The following KCNN2 variants were observed in gnomAD, a reference collection of about 807,000 sequenced individuals.
KCNN2 encodes small conductance calcium-activated potassium channel protein 2.
A neutral mutation model predicts 55.5 loss-of-function variants in KCNN2; 24 were observed. The ratio of observed to expected loss-of-function variants is 0.43; its 90% CI spans 0.31 to 0.61. The LOEUF (loss-of-function observed/expected upper bound fraction) is 0.61, where lower values mean the gene tolerates loss of function less well. Among genes scored for constraint, KCNN2 ranks in the 20% least tolerant of loss-of-function variants. KCNN2 has a pLI of 0.08. For missense variants in KCNN2, 754 were observed against 853.6 expected (o/e 0.88, Z 1.45); for synonymous variants, 431 against 336.1 (o/e 1.28, Z -3.09).
chr5:114,278,836 A>G (rs920378843), intron 2 of KCNN2, among the ~76,000 whole-genome samples: 10 of 152,166 alleles, frequency 6.6e-5, no homozygotes, highest in African/African-American at 1.9e-4. Flanking sequence ...GGGTGAGGCA[A>G]TGCCCCGCCC....
chr5:114,402,345 T>A (rs1758810781), intron 2 of KCNN2, among the ~76,000 whole-genome samples: 1 of 152,152 alleles, frequency 6.6e-6, no homozygotes, highest in South Asian at 2.1e-4. Context: ...GGAAGTTGTT[T>A]GAGAATGAAT....
chr5:114,287,590 G>T (rs1160550217), intron 2 of KCNN2, among the ~76,000 whole-genome samples: 2 of 149,206 alleles, frequency 1.3e-5, no homozygotes, highest in South Asian at 2.1e-4. Context: ...ACACATTGGG[G>T]CCTGTCGGGG....
chr5:114,368,037 C>G (rs1757654313), intron 2 of KCNN2, among the ~76,000 whole-genome samples: 1 of 152,082 alleles, frequency 6.6e-6, no homozygotes. Flanking sequence ...CTGTGTGGAT[C>G]CACTTATACA....
At chr5:114,458,285 A>G (rs957712507) in intron 3 of KCNN2, among the ~76,000 whole-genome samples, 2 of 152,214 alleles carry the variant, frequency 1.3e-5, no homozygotes, top group Admixed American at 6.5e-5. Context: ...GGTAAATTTA[A>G]TAGAAAAGGA....
At chr5:114,144,107 C>T (rs1349805940) in intron 1 of KCNN2, among the ~76,000 whole-genome samples, 1 of 152,198 alleles carries the variant, frequency 6.6e-6, no homozygotes, top group East Asian at 1.9e-4. Flanking sequence ...GTTCTTTTAG[C>T]TTGCTTATGT....
intron 4 of KCNN2, among the ~76,000 whole-genome samples, chr5:114,466,489 A>T (rs1018506856): frequency 3.3e-5 from 5 of 152,052 alleles, no homozygotes; most frequent in African/African-American, 1.2e-4. Flanking sequence ...ATATATATAT[A>T]TATAAAACAC....
intron 2 of KCNN2, among the ~76,000 whole-genome samples, chr5:114,376,401 G>C (rs1006903471): frequency 6.6e-6 from 1 of 152,196 alleles, no homozygotes; most frequent in African/African-American, 2.4e-5. Context: ...TAGTGTGCAA[G>C]AACACAGGTG....
chr5:114,423,068 C>T (rs955048215), intron 3 of KCNN2, among the ~76,000 whole-genome samples: 2 of 152,150 alleles, frequency 1.3e-5, no homozygotes, highest in Non-Finnish European at 2.9e-5. Flanking sequence ...TAAGCATTAC[C>T]TGAAGTAAAA....
chr5:114,148,925 G>T (rs566757729), intron 1 of KCNN2, among the ~76,000 whole-genome samples: 2 of 152,146 alleles, frequency 1.3e-5, no homozygotes, highest in South Asian at 2.1e-4. Context: ...GACTGAAAAG[G>T]AAGTAAAGTG....
At chr5:114,249,286 C>CTTT (rs375457994) in intron 2 of KCNN2, among the ~76,000 whole-genome samples, 69 of 101,480 alleles carry the variant, frequency 6.8e-4, no homozygotes, top group Non-Finnish European at 7.0e-4. Context: ...TTCTTTCTTT[C>CTTT]TTTCTTTTTT....
intron 3 of KCNN2, among the ~76,000 whole-genome samples, chr5:114,455,321 G>C (rs1013830240): frequency 6.6e-6 from 1 of 152,078 alleles, no homozygotes; most frequent in Admixed American, 6.5e-5. Flanking sequence ...TACCTCTTAT[G>C]GTGATTTATG....
At chr5:114,304,154 G>A (rs951584060) in intron 2 of KCNN2, among the ~76,000 whole-genome samples, 4 of 152,110 alleles carry the variant, frequency 2.6e-5, no homozygotes, top group South Asian at 2.1e-4. Flanking sequence ...CTGGTGGGAG[G>A]GATATAGACA....
intron 2 of KCNN2, among the ~76,000 whole-genome samples, chr5:114,402,669 G>A (rs1169902989): frequency 6.6e-6 from 1 of 152,192 alleles, no homozygotes; most frequent in African/African-American, 2.4e-5. Flanking sequence ...CTGAGAGAAA[G>A]GGGAACAATG....
At chr5:114,161,022 T>G (rs1752765966) in intron 1 of KCNN2, among the ~76,000 whole-genome samples, 1 of 152,216 alleles carries the variant, frequency 6.6e-6, no homozygotes, top group African/African-American at 2.4e-5. Flanking sequence ...TTTGTATTGT[T>G]ATGTGTGAAT....
intron 2 of KCNN2, among the ~76,000 whole-genome samples, chr5:114,319,904 C>T (rs1756580178): frequency 6.6e-6 from 1 of 152,112 alleles, no homozygotes; most frequent in Admixed American, 6.6e-5. Flanking sequence ...CATTTTCTTC[C>T]TGGTTGTTAG....
chr5:114,200,673 A>G (rs563477935), intron 1 of KCNN2, among the ~76,000 whole-genome samples: 1 of 150,698 alleles, frequency 6.6e-6, no homozygotes, highest in Non-Finnish European at 1.5e-5. Context: ...AAATTGCTTT[A>G]GTAGGGATAA....
At chr5:114,178,989 A>G (rs545099347) in intron 1 of KCNN2, among the ~76,000 whole-genome samples, 4 of 152,322 alleles carry the variant, frequency 2.6e-5, no homozygotes, top group Admixed American at 6.5e-5. Flanking sequence ...CAAAGACATT[A>G]GCATCTGTAG....
intron 2 of KCNN2, among the ~76,000 whole-genome samples, chr5:114,317,160 G>C (rs753928194): frequency 5.9e-5 from 9 of 151,436 alleles, no homozygotes; most frequent in Non-Finnish European, 1.0e-4. Flanking sequence ...ATGGCCCCTT[G>C]AGATCTTGGA....
chr5:114,084,883 C>A (rs1483625494), intron 1 of KCNN2, among the ~76,000 whole-genome samples: 2 of 151,756 alleles, frequency 1.3e-5, no homozygotes, highest in African/African-American at 4.8e-5. Flanking sequence ...TTTTGCATGT[C>A]CATTTGTTCT....
Sources: allele counts gnomAD v4.1 joint callset (sites outside exome capture counted in the v4.1 genomes callset), GRCh38; gene constraint gnomAD v4.1.1; transcripts MANE v1.5; gene names NCBI Gene and HGNC (gene_info 2026-07-23, HGNC 2026-07-21).